Variants in CCDC3 observed in about 807,000 individuals in gnomAD.
CCDC3 encodes coiled-coil domain containing 3.
CCDC3 carries 24 observed loss-of-function variants against 21.4 expected under a neutral mutation model. The ratio of observed to expected loss-of-function variants is 1.12; its 90% CI spans 0.81 to 1.58. The LOEUF (loss-of-function observed/expected upper bound fraction) is 1.58. Ranked by LOEUF, CCDC3 falls within the 40% of genes most tolerant of loss-of-function variation. The pLI is 0.00. For missense variants in CCDC3, 425 were observed against 360.9 expected, an observed-to-expected ratio of 1.18 and a Z score of -1.44; for synonymous variants, 186 against 166.0, an observed-to-expected ratio of 1.12 and a Z score of -0.93.
chr10:12,936,333 T>TATATGTAAGCTGTTTTCTTTCAAG (rs1376159526), intron 2 of CCDC3, among the ~76,000 whole-genome samples: 2 of 152,160 alleles, frequency 1.3e-5, no homozygotes, highest in Non-Finnish European at 2.9e-5. Flanking sequence ...TTTTTGCCTG[T>TATATGTAAGCTGTTTTCTTTCAAG]ATATGTAAGC....
At chr10:13,021,061 T>C (rs770754214) in intron 5 of CCDC3, among the ~76,000 whole-genome samples, 27 of 152,204 alleles carry the variant, frequency 1.8e-4, no homozygotes, top group Non-Finnish European at 3.2e-4. Flanking sequence ...AAAAATGCTC[T>C]TGTCATGTAT....
chr10:12,960,657 A>G (rs1380609298), intron 2 of CCDC3, among the ~76,000 whole-genome samples: 3 of 152,200 alleles, frequency 2.0e-5, no homozygotes, highest in African/African-American at 7.2e-5. Context: ...GGCAGGGTGC[A>G]GTCGGGAGAG....
At chr10:13,031,356 G>A (rs907278315) in intron 5 of CCDC3, among the ~76,000 whole-genome samples, 1 of 152,018 alleles carries the variant, frequency 6.6e-6, no homozygotes, top group African/African-American at 2.4e-5. Flanking sequence ...GTGTGTAGAG[G>A]GAAATTTATT....
intron 3 of CCDC3, among the ~76,000 whole-genome samples, chr10:13,091,677 A>G (rs971365785): frequency 2.0e-5 from 3 of 152,188 alleles, no homozygotes; most frequent in African/African-American, 4.8e-5. Flanking sequence ...TCATCATCCT[A>G]AAGTTCTCTC....
intron 4 of CCDC3, among the ~76,000 whole-genome samples, chr10:13,053,469 AT>A (rs1210809036): frequency 6.6e-6 from 1 of 151,996 alleles, no homozygotes; most frequent in African/African-American, 2.4e-5. Flanking sequence ...ACTCAGGAGG[AT>A]TGCTTGAGCC....
intron 2 of CCDC3, among the ~76,000 whole-genome samples, chr10:12,956,699 T>G (rs1835092046): frequency 6.6e-6 from 1 of 152,228 alleles, no homozygotes; most frequent in Non-Finnish European, 1.5e-5. Flanking sequence ...CTGAGCCCTC[T>G]TCTTAGCTAG....
At chr10:13,041,922 C>T (rs1836463092) in intron 5 of CCDC3, among the ~76,000 whole-genome samples, 1 of 152,144 alleles carries the variant, frequency 6.6e-6, no homozygotes, top group African/African-American at 2.4e-5. Flanking sequence ...CCACCGTGCC[C>T]AGCCCTGGCA....
chr10:12,972,870 G>A (rs758823007), intron 2 of CCDC3, among the ~76,000 whole-genome samples: 1 of 152,158 alleles, frequency 6.6e-6, no homozygotes, highest in Non-Finnish European at 1.5e-5. Context: ...GTTTGGTGTG[G>A]TTTCTCATTC....
chr10:12,931,292 C>T (rs1363595670), intron 2 of CCDC3, among the ~76,000 whole-genome samples: 1 of 150,528 alleles, frequency 6.6e-6, no homozygotes, highest in African/African-American at 2.4e-5. Flanking sequence ...GTCCACTCAA[C>T]ATGCAGCAAT....
At chr10:12,929,722 A>T (rs1834609347) in intron 2 of CCDC3, among the ~76,000 whole-genome samples, 1 of 152,188 alleles carries the variant, frequency 6.6e-6, no homozygotes, top group African/African-American at 2.4e-5. Context: ...CCCATTGAAG[A>T]CAATTTAACA....
chr10:12,984,659 G>T (rs1383286460), intron 2 of CCDC3, among the ~76,000 whole-genome samples: 1 of 152,162 alleles, frequency 6.6e-6, no homozygotes, highest in East Asian at 1.9e-4. Context: ...ATGCCAAACT[G>T]CTGAATGAAT....
At chr10:12,921,521 T>A (rs906525876) in intron 2 of CCDC3, among the ~76,000 whole-genome samples, 2 of 152,222 alleles carry the variant, frequency 1.3e-5, no homozygotes, top group Non-Finnish European at 2.9e-5. Context: ...CCAGGCCTTA[T>A]CTTTTTCAAC....
At chr10:13,059,305 A>G (rs944083472) in intron 4 of CCDC3, among the ~76,000 whole-genome samples, 8 of 152,084 alleles carry the variant, frequency 5.3e-5, no homozygotes, top group Non-Finnish European at 1.0e-4. Flanking sequence ...TCATGCCCCC[A>G]TTTCACCTCC....
At chr10:13,060,313 C>G (rs1427366196) in intron 4 of CCDC3, among the ~76,000 whole-genome samples, 2 of 152,098 alleles carry the variant, frequency 1.3e-5, no homozygotes, top group African/African-American at 2.4e-5. Flanking sequence ...AGGGGATTGG[C>G]TCTCTTGGGA....
chr10:12,964,740 T>C (rs947860249), intron 2 of CCDC3, among the ~76,000 whole-genome samples: 1 of 152,278 alleles, frequency 6.6e-6, no homozygotes, highest in African/African-American at 2.4e-5. Flanking sequence ...ACTTTGCAGA[T>C]GAACAAAGAG....
intron 4 of CCDC3, among the ~76,000 whole-genome samples, chr10:13,069,936 C>G (rs763680497): frequency 5.9e-5 from 9 of 152,114 alleles, no homozygotes; most frequent in Non-Finnish European, 8.8e-5. Context: ...TTATAACCAG[C>G]TATAGAACTT....
upstream of CCDC3, among the ~76,000 whole-genome samples, chr10:13,005,761 C>G (rs748434727): frequency 6.6e-6 from 1 of 152,192 alleles, no homozygotes; most frequent in Non-Finnish European, 1.5e-5. Context: ...TGTACACAGC[C>G]TGAACTTGCT....
intron 2 of CCDC3, among the ~76,000 whole-genome samples, chr10:12,984,653 CA>C (rs1453979324): frequency 3.3e-5 from 5 of 152,238 alleles, no homozygotes; most frequent in African/African-American, 1.2e-4. Context: ...AATCAAATGC[CA>C]AACTGCTGAA....
At chr10:12,942,850 C>T (rs1834854151) in intron 2 of CCDC3, among the ~76,000 whole-genome samples, 1 of 152,180 alleles carries the variant, frequency 6.6e-6, no homozygotes, top group African/African-American at 2.4e-5. Context: ...TTTCTCTCGC[C>T]TATTCAACCT....
Sources: allele counts gnomAD v4.1 joint callset (sites outside exome capture counted in the v4.1 genomes callset), GRCh38; gene constraint gnomAD v4.1.1; transcripts MANE v1.5; gene names NCBI Gene and HGNC (gene_info 2026-07-23, HGNC 2026-07-21).